ZNF546: variants seen among roughly 807,000 people sequenced by gnomAD.
The protein encoded by ZNF546 is zinc finger protein 546.
ZNF546 carries 60 observed loss-of-function variants against 76.2 expected under a neutral mutation model. The observed-to-expected ratio is 0.79, with a 90% CI of 0.64 to 0.98. The LOEUF is 0.98. Ranked by LOEUF, ZNF546 falls within the 50% of genes least tolerant of loss-of-function variation. The pLI is 0.00. For synonymous variants in ZNF546, 277 were observed against 328.1 expected (o/e 0.84, Z 1.68); for missense variants, 936 against 1,035.6 (o/e 0.90, Z 1.32).
rs530221246 is a variant in ZNF546, at chr19:40,016,953, TA to T, written c.*1176del. ...GTGAGGATGAAATGCTAATAAAAGA[TA>T]AAACCTTTAAAAGAGTATTTGGCAC... On this transcript the variant is annotated 3_prime_UTR_variant, in exon 7 of 7. Coordinates refer to ENST00000347077, the MANE Select transcript of ZNF546 (RefSeq NM_178544.5). The T allele has an allele frequency of 6.6e-6, 1 of 152,226 alleles. No individual in the cohort carries two copies. The highest frequency in any genetic ancestry group is 1.5e-5 in the Non-Finnish European group (1 of 68,026). The allele number at this position is 152,226 out of a possible 1,614,324, so 9.4% of individuals were successfully genotyped here. A position where few individuals can be genotyped will look rare whatever the true frequency, so the allele number is the denominator to read the frequency against.
intron 3 of ZNF546, among the ~76,000 whole-genome samples, chr19:40,004,042 AT>A: frequency 7.0e-6 from 1 of 143,676 alleles, no homozygotes; most frequent in East Asian, 2.0e-4. Flanking sequence ...ATATATAAAT[AT>A]ATTTATATGT....
chr19:40,015,451 A>G lies in ZNF546; in HGVS notation c.2181A>G (p.Gly727=), dbSNP rs765513462. Residue 727 remains glycine, a synonymous_variant, in exon 7 of 7, where the codon GGA becomes GGG. Coordinates refer to ENST00000347077, the MANE Select transcript of ZNF546 (RefSeq NM_178544.5). ...GELPYECKEC[G]KTFSRRYHLT... ...TTCCATATGAATGTAAGGAATGTGG[A>G]AAGACCTTTAGTCGTCGGTATCATC... 6.8e-6 allele frequency: 11 copies of G among 1,614,032 alleles called. No individual in the cohort carries two copies. Among genetic ancestry groups the G allele is most frequent in the Non-Finnish European group, 9.3e-6 (11 of 1,180,034 alleles).
At position 40,014,757 on chromosome 19, in the gene ZNF546, C is replaced by T. The variant is rs748093935; in HGVS notation, c.1487C>T (p.Pro496Leu). ...CTGAGAACTCACACCGGTGAGATTC[C>T]CTATGAATGTAAGGAATGTGGAAAA... ...LHLRTHTGEI[P>L]YECKECGKTF... Residue 496 changes from proline to leucine, a missense_variant, in exon 7 of 7, where the codon CCC becomes CTC. Transcript: ENST00000347077. The T allele has an allele frequency of 2.5e-6, 4 of 1,613,398 alleles. No homozygotes were observed. The highest frequency in any genetic ancestry group is 3.4e-6 in the Non-Finnish European group (4 of 1,179,960).
chr19:40,006,841 TA>T (rs1971608670), intron 4 of ZNF546, among the ~76,000 whole-genome samples: 1 of 152,258 alleles, frequency 6.6e-6, no homozygotes, highest in Non-Finnish European at 1.5e-5. Flanking sequence ...ATAAATATAC[TA>T]ACTGAAGACT....
At chr19:39,997,720 A>T (rs1420128950) in intron 1 of ZNF546, 141 bp from the exon 2 acceptor site, 1 of 152,204 alleles carries the variant, frequency 6.6e-6, no homozygotes, top group Non-Finnish European at 1.5e-5. Context: ...TCCCAGCCTC[A>T]CTCTCACACA....
At position 40,014,295 on chromosome 19, in the gene ZNF546, A is replaced by G. The variant is rs1971717939; in HGVS notation, c.1025A>G (p.Tyr342Cys). 1.9e-6 allele frequency: 3 copies of G among 1,613,698 alleles called. No individual in the cohort carries two copies. The highest frequency in any genetic ancestry group is 2.5e-6 in the Non-Finnish European group (3 of 1,179,920). Residue 342 changes from tyrosine (Y) to cysteine (C), a missense_variant, in exon 7 of 7, where the codon TAT becomes TGT. Physicochemically the swap from Tyr to Cys is radical, Grantham distance 194. Transcript: ENST00000347077. ...KECGKAFRLH[Y>C]QLTEHQRIHT... ...TGTGGGAAGGCCTTTAGACTTCATTATCAACTAACTGAACATCAAAGAATT... is the reference window on the plus strand; with the variant it reads ...TGTGGGAAGGCCTTTAGACTTCATTGTCAACTAACTGAACATCAAAGAATT...
chr19:40,006,573 G>C (rs574628318), intron 4 of ZNF546, among the ~76,000 whole-genome samples: 1 of 152,322 alleles, frequency 6.6e-6, no homozygotes, highest in Non-Finnish European at 1.5e-5. Flanking sequence ...CTGGTCTCCA[G>C]TGACATCAGT....
intron 6 of ZNF546, among the ~76,000 whole-genome samples, chr19:40,011,719 A>G (rs1971674115): frequency 1.3e-5 from 2 of 152,242 alleles, no homozygotes; most frequent in Non-Finnish European, 2.9e-5. Context: ...ACAAATGCAA[A>G]AATTCTAGAC....
rs766958493 is a variant in ZNF546, at chr19:40,013,875, T to C, written c.605T>C (p.Ile202Thr). 6.2e-7 allele frequency: 1 copy of C among 1,607,020 alleles called. No individual in the cohort carries two copies. The highest frequency in any genetic ancestry group is 8.5e-7 in the Non-Finnish European group (1 of 1,176,682). Reference protein sequence around the residue: ...CVSQMLIQKQISHPLHPKIHA... With the variant: ...CVSQMLIQKQTSHPLHPKIHA... Reference sequence around the variant, plus strand: ...AGTCAAATGCTAATCCAAAAACAAATATCTCATCCTCTACATCCAAAAATT... The same window carrying C: ...AGTCAAATGCTAATCCAAAAACAAACATCTCATCCTCTACATCCAAAAATT... The change falls in exon 7 of 7, where the codon ATA (isoleucine) becomes ACA (threonine). Residue 202 changes from isoleucine (I) to threonine (T), a missense_variant. Transcript: ENST00000347077.
chr19:40,003,033 CTTTT>C (rs577843773), intron 3 of ZNF546, among the ~76,000 whole-genome samples: 15 of 106,308 alleles, frequency 1.4e-4, no homozygotes, highest in African/African-American at 3.1e-4. Context: ...TTTGATTTAA[CTTTT>C]TTTTTTTTTT....
intron 6 of ZNF546, among the ~76,000 whole-genome samples, chr19:40,010,505 A>G (rs970412163): frequency 1.6e-4 from 24 of 152,090 alleles, no homozygotes; most frequent in African/African-American, 5.8e-4. Flanking sequence ...GCACTTTGGT[A>G]TGGTCAGTCT....
chr19:40,000,412 C>T (rs528747530), intron 3 of ZNF546, among the ~76,000 whole-genome samples: 1 of 152,036 alleles, frequency 6.6e-6, no homozygotes, highest in South Asian at 2.1e-4. Context: ...ATCACGAGGT[C>T]AGGAGTTCAA....
intron 3 of ZNF546, among the ~76,000 whole-genome samples, chr19:40,001,405 C>T (rs1971528139): frequency 1.3e-5 from 2 of 151,098 alleles, no homozygotes; most frequent in South Asian, 4.2e-4. Context: ...CTCTGTTGCC[C>T]TGGCTGGAGT....
At chr19:40,005,984 G>A in intron 3 of ZNF546, 112 bp from the exon 4 acceptor site, 1 of 931,806 alleles carries the variant, frequency 1.1e-6, no homozygotes, top group South Asian at 1.4e-5. Flanking sequence ...TATATGCGCA[G>A]AATGGTGGGG....
chr19:40,000,563 C>G (rs1971515934), intron 3 of ZNF546, among the ~76,000 whole-genome samples: 1 of 149,568 alleles, frequency 6.7e-6, no homozygotes, highest in South Asian at 2.1e-4. Context: ...TTGCAGTGAG[C>G]CGAGATAGCA....
Position 40,016,362 on chromosome 19 carries a change from A to G in ZNF546, c.*581A>G, listed in dbSNP as rs1219151460. 6 of 153,374 alleles carry G rather than the reference A, an allele frequency of 3.9e-5. No homozygotes were observed. The highest frequency in any genetic ancestry group is 1.4e-4 in the African/African-American group (6 of 41,402). The allele number at this position is 153,374 out of a possible 1,614,324, so 9.5% of individuals were successfully genotyped here. A position where few individuals can be genotyped will look rare whatever the true frequency, so the allele number is the denominator to read the frequency against. ...ATGGTGAAACCCCTTCTCTACTAAA[A>G]TACACAAATTAGCTAGGCATTGTGG... On this transcript the variant is annotated 3_prime_UTR_variant, in exon 7 of 7. Transcript: ENST00000347077.
chr19:40,015,605 T>C lies in ZNF546; in HGVS notation c.2335T>C (p.Cys779Arg). The change falls in exon 7 of 7, where the codon TGT becomes CGT. Residue 779 changes from cysteine (C) to arginine (R), a missense_variant. Coordinates refer to ENST00000347077, the MANE Select transcript of ZNF546 (RefSeq NM_178544.5). Reference protein sequence around the residue: ...IVHTGEKPYKCKECGKAFSVN... With the variant: ...IVHTGEKPYKRKECGKAFSVN... ...TCACACGGGTGAGAAACCCTATAAA[T>C]GTAAAGAATGTGGGAAAGCCTTCAG... 1 of 1,614,100 alleles carries C rather than the reference T, an allele frequency of 6.2e-7. No homozygotes were observed. The highest frequency in any genetic ancestry group is 1.1e-5 in the South Asian group (1 of 91,078).
Position 40,015,269 on chromosome 19 carries a change from T to C in ZNF546, c.1999T>C (p.Cys667Arg). The change falls in exon 7 of 7, where the codon TGT becomes CGT. Residue 667 changes from cysteine to arginine, a missense_variant. Physicochemically the swap from Cys to Arg is radical, Grantham distance 180. Coordinates refer to ENST00000347077, the MANE Select transcript of ZNF546 (RefSeq NM_178544.5). ...RIHTGEKPYE[C>R]TECGKTFSRH... ...TCATACTGGTGAGAAACCCTACGAA[T>C]GTACGGAATGTGGGAAGACGTTTAG... 2 of 1,614,126 alleles carry C rather than the reference T, an allele frequency of 1.2e-6. No individual in the cohort carries two copies. Among genetic ancestry groups the C allele is most frequent in the Non-Finnish European group, 1.7e-6 (2 of 1,180,008 alleles).
At position 40,020,372 on chromosome 19, in the gene ZNF546, T is replaced by C. The variant is rs1445065707; in HGVS notation, c.*4591T>C. 6.6e-6 allele frequency: 1 copy of C among 152,190 alleles called. No individual in the cohort carries two copies. The highest frequency in any genetic ancestry group is 1.5e-5 in the Non-Finnish European group (1 of 68,018). The allele number at this position is 152,190 out of a possible 1,614,324, so 9.4% of individuals were successfully genotyped here. ...ATCATTGCTCAACATTTGCAAATTATTTTTACAAATAACAATAATTGGATG... is the reference window on the plus strand; with the variant it reads ...ATCATTGCTCAACATTTGCAAATTACTTTTACAAATAACAATAATTGGATG... On this transcript the variant is annotated 3_prime_UTR_variant, in exon 7 of 7. Transcript: ENST00000347077.
Sources: allele counts gnomAD v4.1 joint callset (sites outside exome capture counted in the v4.1 genomes callset), GRCh38; gene constraint gnomAD v4.1.1; transcripts MANE v1.5; gene names NCBI Gene and HGNC (gene_info 2026-07-23, HGNC 2026-07-21).